HMGCLL1: variants seen among roughly 807,000 people sequenced by gnomAD.
The protein encoded by HMGCLL1 is 3-hydroxy-3-methylglutaryl-CoA lyase like 1, also known as 3-hydroxymethyl-3-methylglutaryl-CoA lyase, cytoplasmic.
Under a neutral mutation model 39.1 loss-of-function variants are expected in HMGCLL1, and 36 were observed. The observed-to-expected ratio is 0.92, with a 90% CI of 0.71 to 1.22. The LOEUF (loss-of-function observed/expected upper bound fraction) is 1.22, where lower values mean the gene tolerates loss of function less well. Among genes scored for constraint, HMGCLL1 ranks in the 50% most tolerant of loss-of-function variants. The pLI is 0.00. For synonymous variants in HMGCLL1, 149 were observed against 144.0 expected, an observed-to-expected ratio of 1.03 and a Z score of -0.25; for missense variants, 451 against 416.5, an observed-to-expected ratio of 1.08 and a Z score of -0.72.
the HMGCLL1 span, among the ~76,000 whole-genome samples, chr6:55,650,984 G>A: frequency 6.6e-6 from 1 of 152,080 alleles, no homozygotes; most frequent in Non-Finnish European, 1.5e-5. Flanking sequence ...CTGTCCAAGA[G>A]CTTCAGCCTG....
At chr6:55,594,218 A>G in the HMGCLL1 span, among the ~76,000 whole-genome samples, 2 of 152,148 alleles carry the variant, frequency 1.3e-5, no homozygotes, top group African/African-American at 4.8e-5. Flanking sequence ...TTCCTTAAAC[A>G]GTTGATTTAT....
chr6:55,571,971 G>A (rs1771520551), intron 1 of HMGCLL1, among the ~76,000 whole-genome samples: 1 of 152,036 alleles, frequency 6.6e-6, no homozygotes, highest in Non-Finnish European at 1.5e-5. Context: ...TTTTTAAAAA[G>A]ACTAAAATCA....
At chr6:55,657,875 TA>T in the HMGCLL1 span, among the ~76,000 whole-genome samples, 2 of 151,288 alleles carry the variant, frequency 1.3e-5, no homozygotes, top group African/African-American at 2.4e-5. Flanking sequence ...CATGGACACA[TA>T]GGGGGAACAA....
chr6:55,438,439 G>C (rs1220777506), intron 8 of HMGCLL1, among the ~76,000 whole-genome samples: 2 of 152,064 alleles, frequency 1.3e-5, no homozygotes, highest in East Asian at 1.9e-4. Flanking sequence ...TAACCTTGTG[G>C]TAAGTTCAGA....
At chr6:55,536,281 T>C (rs1769019769) in intron 3 of HMGCLL1, among the ~76,000 whole-genome samples, 1 of 152,212 alleles carries the variant, frequency 6.6e-6, no homozygotes, top group Admixed American at 6.5e-5. Flanking sequence ...ATTCCAACAG[T>C]TAAAAAATAG....
chr6:55,474,513 CTCT>C (rs1288181426), intron 7 of HMGCLL1, among the ~76,000 whole-genome samples: 1 of 151,388 alleles, frequency 6.6e-6, no homozygotes, highest in Non-Finnish European at 1.5e-5. Flanking sequence ...ACATTCCCGT[CTCT>C]TTTTTGCATG....
At chr6:55,586,949 T>C in the HMGCLL1 span, among the ~76,000 whole-genome samples, 2 of 152,122 alleles carry the variant, frequency 1.3e-5, no homozygotes, top group Non-Finnish European at 2.9e-5. Context: ...TTTCTAGTTC[T>C]AGATCCCTGA....
chr6:55,545,410 A>G (rs1174956976), intron 1 of HMGCLL1, among the ~76,000 whole-genome samples: 1 of 152,160 alleles, frequency 6.6e-6, no homozygotes, highest in East Asian at 1.9e-4. Context: ...AAAGCAGAAT[A>G]TGTGTTCACT....
At chr6:55,643,591 C>T in the HMGCLL1 span, among the ~76,000 whole-genome samples, 1 of 151,900 alleles carries the variant, frequency 6.6e-6, no homozygotes, top group East Asian at 1.9e-4. Flanking sequence ...TGACCATCCT[C>T]ACCTTCCCCC....
At chr6:55,527,753 AG>A (rs1469748012) in intron 3 of HMGCLL1, among the ~76,000 whole-genome samples, 1 of 152,068 alleles carries the variant, frequency 6.6e-6, no homozygotes, top group East Asian at 1.9e-4. Context: ...AAAAGAAAAA[AG>A]TTTCACTGAT....
chr6:55,663,998 A>ATT, the HMGCLL1 span, among the ~76,000 whole-genome samples: 1 of 151,470 alleles, frequency 6.6e-6, no homozygotes, highest in African/African-American at 2.4e-5. Context: ...CAATCTCTGC[A>ATT]TTTTTTCTAA....
At chr6:55,448,731 C>A (rs75155619) in intron 7 of HMGCLL1, among the ~76,000 whole-genome samples, 1,656 of 152,244 alleles carry the variant, frequency 0.011, 13 homozygotes, top group Non-Finnish European at 0.019. Flanking sequence ...TCTCTAACAT[C>A]TTGGCATAAA....
the HMGCLL1 span, among the ~76,000 whole-genome samples, chr6:55,631,462 C>G: frequency 6.6e-6 from 1 of 151,958 alleles, no homozygotes; most frequent in Non-Finnish European, 1.5e-5. Flanking sequence ...CAAAAAGACA[C>G]CAAGACCATG....
the HMGCLL1 span, among the ~76,000 whole-genome samples, chr6:55,596,560 G>T: frequency 1.3e-5 from 2 of 152,152 alleles, no homozygotes; most frequent in Non-Finnish European, 2.9e-5. Flanking sequence ...TTTAATTGCA[G>T]CTTTGTAAGA....
At chr6:55,538,522 AT>A (rs780161289) in intron 3 of HMGCLL1, among the ~76,000 whole-genome samples, 23 of 152,156 alleles carry the variant, frequency 1.5e-4, no homozygotes, top group Non-Finnish European at 8.8e-5. Context: ...CAAATTGACA[AT>A]TTCAAGGAAA....
chr6:55,609,431 C>A, the HMGCLL1 span, among the ~76,000 whole-genome samples: 1 of 152,150 alleles, frequency 6.6e-6, no homozygotes, highest in Non-Finnish European at 1.5e-5. Context: ...GCCACACAGC[C>A]TTTTAGGCCA....
chr6:55,507,166 C>T (rs1767210853), intron 5 of HMGCLL1, among the ~76,000 whole-genome samples: 1 of 151,756 alleles, frequency 6.6e-6, no homozygotes, highest in African/African-American at 2.4e-5. Flanking sequence ...GGACATTTCA[C>T]AGATTCAGGA....
At chr6:55,510,414 G>T (rs1004305753) in intron 5 of HMGCLL1, among the ~76,000 whole-genome samples, 7 of 151,436 alleles carry the variant, frequency 4.6e-5, no homozygotes, top group Non-Finnish European at 8.8e-5. Context: ...ATGATAGACT[G>T]AATTAAGAAA....
chr6:55,603,756 A>C, the HMGCLL1 span, among the ~76,000 whole-genome samples: 1 of 152,144 alleles, frequency 6.6e-6, no homozygotes, highest in Admixed American at 6.6e-5. Context: ...AAAAAACCAA[A>C]GTTATATAAG....
Sources: gnomAD v4.1 joint callset for allele counts (sites outside exome capture counted in the v4.1 genomes callset) on GRCh38, gnomAD v4.1.1 for gene constraint, MANE v1.5 for transcripts, NCBI Gene and HGNC (gene_info 2026-07-23, HGNC 2026-07-21) for gene names.